NAV2: variants seen among roughly 807,000 people sequenced by gnomAD.
The protein encoded by NAV2 is neuron navigator 2, also known as helicase, APC down-regulated 1.
In NAV2, 54 loss-of-function variants were observed where a neutral mutation model predicts 223.2. That is an observed-to-expected ratio of 0.24 (90% CI 0.19 to 0.30). NAV2 has a LOEUF of 0.30. Among genes scored for constraint, NAV2 ranks in the 10% least tolerant of loss-of-function variants. The pLI, the probability that NAV2 is intolerant of heterozygous loss-of-function variation, is 1.00. For synonymous variants in NAV2, 1,279 were observed against 1,239.3 expected (o/e 1.03, Z -0.67); for missense variants, 2,806 against 3,147.5 (o/e 0.89, Z 2.60).
chr11:19,676,729 G>A (rs1236223894), intron 1 of NAV2, among the ~76,000 whole-genome samples: 2 of 152,214 alleles, frequency 1.3e-5, no homozygotes, highest in Non-Finnish European at 2.9e-5. Context: ...GGCTCTCAGA[G>A]AACCAGGCTG....
chr11:19,387,702 A>G (rs566080888), intron 1 of NAV2, among the ~76,000 whole-genome samples: 3 of 152,166 alleles, frequency 2.0e-5, no homozygotes, highest in African/African-American at 7.2e-5. Context: ...GCCAGTGAAG[A>G]TGGTTAAAAC....
chr11:19,697,234 C>G (rs971580205), intron 1 of NAV2, among the ~76,000 whole-genome samples: 6 of 152,166 alleles, frequency 3.9e-5, no homozygotes, highest in African/African-American at 1.4e-4. Context: ...ACTGAATACA[C>G]ATGGTGGTAA....
chr11:19,999,661 G>T (rs538647513), intron 11 of NAV2, among the ~76,000 whole-genome samples: 5 of 152,148 alleles, frequency 3.3e-5, no homozygotes, highest in African/African-American at 1.2e-4. Flanking sequence ...GTGAGTCACC[G>T]CACTGGGCCA....
At chr11:19,859,862 CG>C (rs1237477367) in intron 3 of NAV2, among the ~76,000 whole-genome samples, 2 of 126,986 alleles carry the variant, frequency 1.6e-5, no homozygotes, top group African/African-American at 3.2e-5. Flanking sequence ...GCTGGCCGGG[CG>C]GGGGGCTGAC....
chr11:19,787,935 G>A (rs760258292), intron 1 of NAV2, among the ~76,000 whole-genome samples: 1 of 152,168 alleles, frequency 6.6e-6, no homozygotes, highest in East Asian at 1.9e-4. Flanking sequence ...CTCAGAGAGA[G>A]CACATGTACT....
upstream of NAV2, among the ~76,000 whole-genome samples, chr11:19,708,573 T>A (rs1010999808): frequency 3.9e-5 from 6 of 151,934 alleles, no homozygotes; most frequent in Non-Finnish European, 7.4e-5. Context: ...GAAGGATGGG[T>A]TGATGGAACT....
intron 1 of NAV2, among the ~76,000 whole-genome samples, chr11:19,426,695 AT>A (rs11301997): frequency 0.46 from 68,631 of 149,438 alleles, 15,771 homozygotes; most frequent in South Asian, 0.57. Flanking sequence ...AGTCCCATCA[AT>A]TTTTTTTTTT....
chr11:20,066,773 G>T (rs1158042591), intron 20 of NAV2, among the ~76,000 whole-genome samples: 1 of 152,150 alleles, frequency 6.6e-6, no homozygotes, highest in Non-Finnish European at 1.5e-5. Context: ...AGTAAAATTG[G>T]ATTAGGACAC....
intron 11 of NAV2, among the ~76,000 whole-genome samples, chr11:20,008,355 CA>C (rs573764006): frequency 1.1e-4 from 17 of 148,482 alleles, no homozygotes; most frequent in African/African-American, 2.5e-4. Context: ...GAGACTGTCT[CA>C]AAAAAAAAAG....
At chr11:19,727,185 G>A (rs1313151167) in intron 1 of NAV2, among the ~76,000 whole-genome samples, 2 of 152,188 alleles carry the variant, frequency 1.3e-5, no homozygotes, top group African/African-American at 4.8e-5. Flanking sequence ...CTTCAACCTG[G>A]GAGTGCAGCA....
At chr11:19,710,770 T>C (rs1377816019), upstream of NAV2, among the ~76,000 whole-genome samples, 1 of 152,232 alleles carries the variant, frequency 6.6e-6, no homozygotes, top group Non-Finnish European at 1.5e-5. Context: ...TCCCAAGGTT[T>C]ATAGCATAAT....
intron 1 of NAV2, among the ~76,000 whole-genome samples, chr11:19,658,704 C>G (rs2135714683): frequency 6.6e-6 from 1 of 152,282 alleles, no homozygotes; most frequent in African/African-American, 2.4e-5. Context: ...TTGCTTGTGT[C>G]TCTTGCTAAT....
At chr11:19,529,638 C>T (rs80162628) in intron 1 of NAV2, among the ~76,000 whole-genome samples, 4,638 of 152,296 alleles carry the variant, frequency 0.03, 205 homozygotes, top group African/African-American at 0.097. Context: ...AACTTTTCTG[C>T]CCTAGGGACC....
chr11:19,477,151 C>A (rs2042143522), intron 1 of NAV2, among the ~76,000 whole-genome samples: 1 of 152,126 alleles, frequency 6.6e-6, no homozygotes, highest in South Asian at 2.1e-4. Flanking sequence ...AAGGTAAAGT[C>A]AGGTTCTCAG....
At chr11:19,644,794 T>C (rs535072056) in intron 1 of NAV2, among the ~76,000 whole-genome samples, 1 of 152,318 alleles carries the variant, frequency 6.6e-6, no homozygotes, top group African/African-American at 2.4e-5. Context: ...TCAGGATAGA[T>C]GGGCCAGCAG....
chr11:20,027,545 G>A, intron 11 of NAV2: 19 of 843,134 alleles, frequency 2.3e-5, no homozygotes, highest in Non-Finnish European at 2.7e-5. Flanking sequence ...GAGGGGCGGG[G>A]GCTGGCCCAG....
chr11:19,673,329 A>G (rs913726724), intron 1 of NAV2, among the ~76,000 whole-genome samples: 1 of 152,252 alleles, frequency 6.6e-6, no homozygotes, highest in African/African-American at 2.4e-5. Flanking sequence ...TTATGCACAG[A>G]ATTTTAATTC....
intron 3 of NAV2, among the ~76,000 whole-genome samples, chr11:19,854,606 G>T (rs1159926931): frequency 6.6e-6 from 1 of 151,984 alleles, no homozygotes; most frequent in Non-Finnish European, 1.5e-5. Flanking sequence ...TTACTCATTT[G>T]TTACCTGCCT....
rs1426937195 is a variant in NAV2 at position 19,933,417 on chromosome 11, G to A, written c.1173G>A (p.Met391Ile). 3 of 1,582,440 alleles carry A rather than the reference G, an allele frequency of 1.9e-6. No homozygotes were observed. The highest frequency in any genetic ancestry group is 2.6e-6 in the Non-Finnish European group (3 of 1,164,876). ...CCCCCAGGCCCACACCTGAAGCCATGAAGCCGGCCCCCAACAATCAGAAGT... is the reference window on the plus strand; with the variant it reads ...CCCCCAGGCCCACACCTGAAGCCATAAAGCCGGCCCCCAACAATCAGAAGT... ...PEAPRPTPEA[M>I]KPAPNNQKSM... Residue 391 changes from methionine (M) to isoleucine (I), a missense_variant, in exon 7 of 38, where the codon ATG becomes ATA. Transcript: ENST00000349880. This position sits in a 1 kb window ranked among gnomAD's most constrained non-coding sequence, Gnocchi z 4.3.
Sources: gnomAD v4.1 joint callset for allele counts (sites outside exome capture counted in the v4.1 genomes callset) on GRCh38, gnomAD v4.1.1 for gene constraint, Gnocchi (gnomAD v3.1) non-coding constraint, MANE v1.5 for transcripts, NCBI Gene and HGNC (gene_info 2026-07-23, HGNC 2026-07-21) for gene names.